The following RANBP17 variants were observed in gnomAD, a reference collection of about 807,000 sequenced individuals.
The protein encoded by RANBP17 is RAN binding protein 17, also known as ran-binding protein 17.
RANBP17 carries 158 observed loss-of-function variants against 141.2 expected under a neutral mutation model. The observed-to-expected ratio is 1.12, with a 90% CI of 0.98 to 1.28. RANBP17 has a LOEUF of 1.28. Among genes scored for constraint, RANBP17 ranks in the 50% most tolerant of loss-of-function variants. RANBP17 has a pLI of 0.00. For missense variants in RANBP17, 1,438 were observed against 1,290.7 expected, an observed-to-expected ratio of 1.11 and a Z score of -1.75; for synonymous variants, 430 against 450.0, an observed-to-expected ratio of 0.96 and a Z score of 0.56.
chr5:171,049,152 G>A (rs1366348960), intron 14 of RANBP17, among the ~76,000 whole-genome samples: 2 of 152,032 alleles, frequency 1.3e-5, no homozygotes, highest in Non-Finnish European at 2.9e-5. Flanking sequence ...ATTATTTTTT[G>A]ACTTTTTAAT....
intron 14 of RANBP17, among the ~76,000 whole-genome samples, chr5:171,046,278 G>A (rs895088375): frequency 6.8e-6 from 1 of 146,622 alleles, no homozygotes; most frequent in Admixed American, 7.0e-5. Flanking sequence ...GCATGATCTC[G>A]GCTGACTGCA....
chr5:170,958,097 C>A (rs1775868268), intron 13 of RANBP17, among the ~76,000 whole-genome samples: 1 of 152,058 alleles, frequency 6.6e-6, no homozygotes, highest in African/African-American at 2.4e-5. Flanking sequence ...TCCCTGGAGG[C>A]CACACGAAAC....
chr5:171,018,159 C>T (rs749867252), intron 14 of RANBP17, among the ~76,000 whole-genome samples: 3 of 151,934 alleles, frequency 2.0e-5, no homozygotes, highest in Non-Finnish European at 4.4e-5. Flanking sequence ...TTACTGTAGC[C>T]GTGTAGTGTA....
chr5:171,039,365 C>G (rs995407207), intron 14 of RANBP17, among the ~76,000 whole-genome samples: 1 of 150,428 alleles, frequency 6.6e-6, no homozygotes, highest in African/African-American at 2.5e-5. Flanking sequence ...CTTGTTGCCA[C>G]CTGTATGTCT....
At chr5:171,050,009 A>T (rs988891559) in intron 14 of RANBP17, among the ~76,000 whole-genome samples, 3 of 152,148 alleles carry the variant, frequency 2.0e-5, no homozygotes, top group African/African-American at 7.2e-5. Context: ...GTGAAGAATC[A>T]CATTGGTAGT....
intron 22 of RANBP17, among the ~76,000 whole-genome samples, chr5:171,224,991 G>A (rs1763805314): frequency 6.6e-6 from 1 of 152,156 alleles, no homozygotes; most frequent in Non-Finnish European, 1.5e-5. Context: ...TCAAAGACAT[G>A]GTTGTGAGAA....
intron 18 of RANBP17, among the ~76,000 whole-genome samples, chr5:171,191,034 A>C (rs972208103): frequency 2.6e-5 from 4 of 152,144 alleles, no homozygotes; most frequent in Admixed American, 2.0e-4. Flanking sequence ...TACTAGGGGG[A>C]TACTAATATT....
chr5:171,147,415 T>TTTG (rs1758133381), intron 14 of RANBP17, among the ~76,000 whole-genome samples: 1 of 136,808 alleles, frequency 7.3e-6, no homozygotes, highest in East Asian at 2.2e-4. Flanking sequence ...TTTTTTTTTT[T>TTTG]GGTTTTGTTT....
At chr5:171,012,394 C>A (rs1780120150) in intron 14 of RANBP17, among the ~76,000 whole-genome samples, 1 of 152,030 alleles carries the variant, frequency 6.6e-6, no homozygotes. Flanking sequence ...AATTCTATAG[C>A]TGTTTTTGAA....
At chr5:171,033,821 T>A (rs1453052892) in intron 14 of RANBP17, among the ~76,000 whole-genome samples, 1 of 152,202 alleles carries the variant, frequency 6.6e-6, no homozygotes, top group Non-Finnish European at 1.5e-5. Context: ...TAAGATTGCA[T>A]GGATTTAAAG....
intron 14 of RANBP17, among the ~76,000 whole-genome samples, chr5:171,019,402 T>TTGG (rs1780689335): frequency 6.6e-6 from 1 of 152,156 alleles, no homozygotes; most frequent in Non-Finnish European, 1.5e-5. Context: ...TTTTTTTTTG[T>TTGG]TGGTAGGCTA....
chr5:171,259,235 A>T (rs1766123697), intron 24 of RANBP17, among the ~76,000 whole-genome samples: 1 of 152,238 alleles, frequency 6.6e-6, no homozygotes, highest in African/African-American at 2.4e-5. Context: ...GTTGTCAAGG[A>T]TGCAGAGAAA....
intron 13 of RANBP17, among the ~76,000 whole-genome samples, chr5:170,957,616 A>T (rs1775823800): frequency 6.6e-6 from 1 of 152,056 alleles, no homozygotes; most frequent in Non-Finnish European, 1.5e-5. Flanking sequence ...TGCCCTTTTT[A>T]TATTCTGTTT....
At chr5:170,905,446 A>G (rs74721566) in intron 5 of RANBP17, among the ~76,000 whole-genome samples, 2,707 of 152,264 alleles carry the variant, frequency 0.018, 72 homozygotes, top group African/African-American at 0.061. Context: ...AGCCATGTGC[A>G]TAAAAAAATA....
chr5:171,117,556 A>G (rs529730740), intron 14 of RANBP17, among the ~76,000 whole-genome samples: 4 of 151,876 alleles, frequency 2.6e-5, no homozygotes, highest in South Asian at 4.2e-4. Context: ...CTGGAGTGCA[A>G]TGGTTTGGCT....
chr5:170,910,721 G>C, intron 6 of RANBP17: 2 of 413,136 alleles, frequency 4.8e-6, no homozygotes, highest in Non-Finnish European at 8.7e-6. Context: ...TTCTCCAGAA[G>C]CTTTGTGAGT....
chr5:170,949,759 A>C (rs1015354189), intron 12 of RANBP17, among the ~76,000 whole-genome samples: 2 of 152,180 alleles, frequency 1.3e-5, no homozygotes, highest in African/African-American at 4.8e-5. Flanking sequence ...TCCACATAAA[A>C]TCTTGTACAC....
intron 14 of RANBP17, among the ~76,000 whole-genome samples, chr5:171,064,578 C>T (rs1297049088): frequency 6.6e-6 from 1 of 152,174 alleles, no homozygotes; most frequent in African/African-American, 2.4e-5. Flanking sequence ...CTCACTGCAA[C>T]CTTCTCCTTC....
intron 12 of RANBP17, among the ~76,000 whole-genome samples, chr5:170,938,769 G>A (rs1774090518): frequency 6.6e-6 from 1 of 151,808 alleles, no homozygotes; most frequent in Non-Finnish European, 1.5e-5. Flanking sequence ...CAAGACTGCA[G>A]GAAAAAAGGA....
Sources: gnomAD v4.1 joint callset for allele counts (sites outside exome capture counted in the v4.1 genomes callset) on GRCh38, gnomAD v4.1.1 for gene constraint, MANE v1.5 for transcripts, NCBI Gene and HGNC (gene_info 2026-07-23, HGNC 2026-07-21) for gene names.